The following NPL variants were observed in gnomAD, a reference collection of about 807,000 sequenced individuals.
The protein encoded by NPL is N-acetylneuraminate pyruvate lyase.
Under a neutral mutation model 41.1 loss-of-function variants are expected in NPL, and 32 were observed. The observed-to-expected ratio is 0.78, with a 90% CI of 0.59 to 1.05. The LOEUF (loss-of-function observed/expected upper bound fraction) is 1.05. Ranked by LOEUF, NPL falls within the 50% of genes least tolerant of loss-of-function variation. The probability of loss-of-function intolerance (pLI) is 0.00; values close to 1 mark genes in which losing one functional copy is unlikely to be tolerated. For missense variants in NPL, 321 were observed against 378.4 expected, an observed-to-expected ratio of 0.85 and a Z score of 1.26; for synonymous variants, 128 against 134.9, an observed-to-expected ratio of 0.95 and a Z score of 0.35.
intron 3 of NPL, among the ~76,000 whole-genome samples, chr1:182,799,728 T>A: frequency 9.6e-6 from 1 of 104,336 alleles, no homozygotes. Context: ...CAAGACCCTG[T>A]CTCCAAAAAA....
At chr1:182,794,463 G>C in intron 3 of NPL, 24 bp downstream of exon 3, 1 of 1,610,580 alleles carries the variant, frequency 6.2e-7, no homozygotes, top group Non-Finnish European at 8.5e-7. Flanking sequence ...GGGGCCTTGA[G>C]GGGATCAGTT....
intron 11 of NPL, among the ~76,000 whole-genome samples, chr1:182,824,604 T>C (rs903122219): frequency 1.1e-4 from 16 of 152,114 alleles, no homozygotes; most frequent in Non-Finnish European, 2.4e-4. Context: ...GAGACCATCA[T>C]GGCTAACGTG....
At chr1:182,794,466 G>C in intron 3 of NPL, 27 bp downstream of exon 3, 1 of 1,608,342 alleles carries the variant, frequency 6.2e-7, no homozygotes, top group Non-Finnish European at 8.5e-7. Context: ...GCCTTGAGGG[G>C]ATCAGTTCTC....
Position 182,818,618 on chromosome 1 carries a change from C to A in NPL, c.535C>A (p.Leu179Ile), listed in dbSNP as rs867660930. ...AGGGCTGAAATTCAGTGATACAGAT[C>A]TCTTAGACTTCGGGCAATGTGTTGA... ...FQGLKFSDTD[L>I]LDFGQCVDQN... Residue 179 changes from leucine to isoleucine, a missense_variant, in exon 9 of 13, where the codon CTC becomes ATC. Leu to Ile is a conservative substitution (Grantham distance 5). Coordinates refer to ENST00000367553, the MANE Select transcript of NPL (RefSeq NM_030769.3). The A allele has an allele frequency of 1.2e-6, 2 of 1,614,216 alleles. No individual in the cohort carries two copies. The highest frequency in any genetic ancestry group is 1.6e-4 in the Middle Eastern group (1 of 6,062).
At chr1:182,809,738 G>A (rs1444350138) in intron 5 of NPL, 1 of 152,106 alleles carries the variant, frequency 6.6e-6, no homozygotes, top group Non-Finnish European at 1.5e-5. Flanking sequence ...TCAAGATTTG[G>A]AGTAGCCACT....
At chr1:182,795,719 CT>C (rs1384334061) in intron 3 of NPL, 1 of 152,140 alleles carries the variant, frequency 6.6e-6, no homozygotes, top group Non-Finnish European at 1.5e-5. Flanking sequence ...GTTACTTCCC[CT>C]TTCCACAAGT....
chr1:182,813,590 A>G (rs1667240981), intron 6 of NPL, among the ~76,000 whole-genome samples: 1 of 152,206 alleles, frequency 6.6e-6, no homozygotes, highest in Non-Finnish European at 1.5e-5. Context: ...TTAAAATATT[A>G]TCATGTAATG....
chr1:182,829,740 C>T lies in NPL; in HGVS notation c.*832C>T. The T allele has an allele frequency of 9.9e-7, 1 of 1,011,368 alleles. No individual in the cohort carries two copies. Among genetic ancestry groups the T allele is most frequent in the Non-Finnish European group, 1.5e-6 (1 of 657,250 alleles). 62.6% of individuals were successfully genotyped at this position (1,011,368 alleles called of 1,614,324 possible). On this transcript the variant is annotated 3_prime_UTR_variant, in exon 13 of 13. Transcript: ENST00000367553. Reference sequence around the variant, plus strand: ...AAATCGAAGGCTGACTTCCTTTCTGCAGTGAGCCCAGGGGCTAATGTTATT... The same window carrying T: ...AAATCGAAGGCTGACTTCCTTTCTGTAGTGAGCCCAGGGGCTAATGTTATT...
chr1:182,806,516 G>A (rs1254260382), intron 5 of NPL: 10 of 1,536,102 alleles, frequency 6.5e-6, no homozygotes, highest in Middle Eastern at 1.7e-4. Context: ...ACAGTTACCC[G>A]TCTTTGGGCT....
chr1:182,804,658 C>A (rs976895441), intron 4 of NPL, among the ~76,000 whole-genome samples: 2 of 152,140 alleles, frequency 1.3e-5, no homozygotes, highest in Admixed American at 6.5e-5. Flanking sequence ...GGCTCTCGGA[C>A]CCTTGGATGC....
chr1:182,805,628 G>T (rs1666982405), intron 4 of NPL, among the ~76,000 whole-genome samples: 1 of 152,156 alleles, frequency 6.6e-6, no homozygotes, highest in Non-Finnish European at 1.5e-5. Context: ...AGAGCACTTG[G>T]TATAAGAAAT....
chr1:182,800,760 C>T (rs949930162), intron 3 of NPL, among the ~76,000 whole-genome samples: 8 of 135,978 alleles, frequency 5.9e-5, no homozygotes, highest in African/African-American at 1.7e-4. Context: ...GACCGAGTCT[C>T]GCTCTGTCAC....
chr1:182,814,700 C>T, intron 6 of NPL, 83 bp from the exon 7 acceptor site: 1 of 1,133,432 alleles, frequency 8.8e-7, no homozygotes, highest in East Asian at 2.4e-5. Flanking sequence ...ATTTGAAGAG[C>T]TTGTTACTGA....
Position 182,803,695 on chromosome 1 carries a change from T to C in NPL, c.69-3T>C. Reference sequence around the variant, plus strand: ...TATGCCTTTTTTTCCACATGTCTTCTAGAGAAATCAACTTTTCAGTAATTG... The same window carrying C: ...TATGCCTTTTTTTCCACATGTCTTCCAGAGAAATCAACTTTTCAGTAATTG... On this transcript the variant is annotated splice_polypyrimidine_tract_variant and splice_region_variant and intron_variant, in intron 3 of 12. Coordinates refer to ENST00000367553, the MANE Select transcript of NPL (RefSeq NM_030769.3). 1.2e-6 allele frequency: 2 copies of C among 1,603,984 alleles called. No individual in the cohort carries two copies. Among genetic ancestry groups the C allele is most frequent in the Non-Finnish European group, 1.7e-6 (2 of 1,170,686 alleles).
At chr1:182,800,115 G>C (rs1279526221) in intron 3 of NPL, among the ~76,000 whole-genome samples, 1 of 151,984 alleles carries the variant, frequency 6.6e-6, no homozygotes, top group Non-Finnish European at 1.5e-5. Flanking sequence ...ATAGACCTAG[G>C]TACCATCAGA....
intron 7 of NPL, among the ~76,000 whole-genome samples, chr1:182,815,349 A>G (rs1417311850): frequency 6.6e-6 from 1 of 152,190 alleles, no homozygotes; most frequent in Non-Finnish European, 1.5e-5. Context: ...TGCAGAAACT[A>G]TTTATGGTGT....
At position 182,829,227 on chromosome 1, in the gene NPL, G is replaced by T; in HGVS notation, c.*319G>T. ...TGTCTTTAGGAGCTCTCATTATCTC[G>T]GTCTCTGGTTCCTAATCCTATTTTA... On this transcript the variant is annotated 3_prime_UTR_variant, in exon 13 of 13. Coordinates refer to ENST00000367553, the MANE Select transcript of NPL (RefSeq NM_030769.3). 1 of 1,196,504 alleles carries T rather than the reference G, an allele frequency of 8.4e-7. No individual in the cohort carries two copies. Among genetic ancestry groups the T allele is most frequent in the South Asian group, 2.4e-5 (1 of 42,024 alleles). 74.1% of individuals were successfully genotyped at this position (1,196,504 alleles called of 1,614,324 possible).
rs757880449 is a variant in NPL, at chr1:182,828,759, C to G, written c.814C>G (p.Leu272Val). Residue 272 changes from leucine to valine, a missense_variant, in exon 13 of 13, where the codon CTG becomes GTG. Coordinates refer to ENST00000367553, the MANE Select transcript of NPL (RefSeq NM_030769.3). This position sits in a 1 kb window ranked among gnomAD's most constrained non-coding sequence, Gnocchi z 4.0. ...GTCACAGACCAAAGCCATCATGACT[C>G]TGGTCTCTGGGATTCCAATGGGCCC... is the stretch of plus-strand genomic sequence containing the variant. ...GVSQTKAIMT[L>V]VSGIPMGPPR... 2 of 1,613,992 alleles carry G rather than the reference C, an allele frequency of 1.2e-6. No individual in the cohort carries two copies. The highest frequency in any genetic ancestry group is 1.7e-6 in the Non-Finnish European group (2 of 1,179,988).
intron 5 of NPL, among the ~76,000 whole-genome samples, chr1:182,808,825 G>A (rs1320988392): frequency 6.6e-6 from 1 of 151,970 alleles, no homozygotes; most frequent in Non-Finnish European, 1.5e-5. Context: ...CGGGCATAGT[G>A]GTATGCCCCT....
Sources: allele counts gnomAD v4.1 joint callset (sites outside exome capture counted in the v4.1 genomes callset), GRCh38; gene constraint gnomAD v4.1.1; non-coding constraint Gnocchi (gnomAD v3.1); transcripts MANE v1.5; gene names NCBI Gene and HGNC (gene_info 2026-07-23, HGNC 2026-07-21).